GOLM2: variants seen among roughly 807,000 people sequenced by gnomAD.
GOLM2 encodes protein GOLM2.
A neutral mutation model predicts 55.9 loss-of-function variants in GOLM2; 26 were observed. The ratio of observed to expected loss-of-function variants is 0.47; its 90% CI spans 0.34 to 0.65. The LOEUF is 0.65. GOLM2 is among the 30% of genes least tolerant of loss of function. The pLI, the probability that GOLM2 is intolerant of heterozygous loss-of-function variation, is 0.01. For synonymous variants in GOLM2, 165 were observed against 194.6 expected (o/e 0.85, Z 1.27); for missense variants, 486 against 531.8 (o/e 0.91, Z 0.85).
chr15:44,309,952 T>A (rs1468951344), intron 1 of GOLM2, among the ~76,000 whole-genome samples: 1 of 151,998 alleles, frequency 6.6e-6, no homozygotes, highest in Non-Finnish European at 1.5e-5. Context: ...GGCATGATCT[T>A]GGCTCACTGC....
rs1379582993 is a variant in GOLM2 at position 44,415,574 on chromosome 15, A to C, written c.*2168A>C. 1 of 152,600 alleles carries C rather than the reference A, an allele frequency of 6.6e-6. No homozygotes were observed. Among genetic ancestry groups the C allele is most frequent in the Non-Finnish European group, 1.5e-5 (1 of 68,026 alleles). The allele number at this position is 152,600 out of a possible 1,614,324, so 9.5% of individuals were successfully genotyped here. A position where few individuals can be genotyped will look rare whatever the true frequency, so the allele number is the denominator to read the frequency against. On this transcript the variant is annotated 3_prime_UTR_variant, in exon 10 of 10. Transcript: ENST00000299957. ...TTTAGTGCTATAAAATACTATGTGA[A>C]TCTCTTAAAAATCTGACATTTTACA...
chr15:44,338,165 T>TA (rs1317950425), intron 5 of GOLM2, 72 bp from the exon 6 acceptor site: 1 of 1,428,026 alleles, frequency 7.0e-7, no homozygotes, highest in Non-Finnish European at 9.8e-7. Context: ...AACTGATTGT[T>TA]ACATTCCTTC....
chr15:44,367,159 A>G (rs964831165), intron 6 of GOLM2, among the ~76,000 whole-genome samples: 1 of 151,616 alleles, frequency 6.6e-6, no homozygotes, highest in Non-Finnish European at 1.5e-5. Flanking sequence ...CTTTTCTGCT[A>G]GAACAGCAGA....
chr15:44,332,943 T>TG (rs2079032028), intron 4 of GOLM2, among the ~76,000 whole-genome samples: 2 of 152,142 alleles, frequency 1.3e-5, no homozygotes, highest in African/African-American at 4.8e-5. Flanking sequence ...TTCATTTTTT[T>TG]TTGTGTGTGT....
At chr15:44,304,230 C>CTTCT (rs1301281420) in intron 1 of GOLM2, among the ~76,000 whole-genome samples, 2 of 82,874 alleles carry the variant, frequency 2.4e-5, no homozygotes, top group African/African-American at 1.0e-4. Flanking sequence ...GGCTCCACTT[C>CTTCT]TTTTTTTTTT....
Position 44,338,297 on chromosome 15 carries a change from A to T in GOLM2, c.782A>T (p.Lys261Ile). 1 of 1,613,574 alleles carries T rather than the reference A, an allele frequency of 6.2e-7. No individual in the cohort carries two copies. The highest frequency in any genetic ancestry group is 8.5e-7 in the Non-Finnish European group (1 of 1,179,590). ...MPGIEENDLAKVDDLPPALRK... is the reference protein window; with the variant it reads ...MPGIEENDLAIVDDLPPALRK... ...GGAATAGAAGAGAATGACCTAGCAA[A>T]AGTTGATGATCTTCCCCCTGGTAAG... The change falls in exon 6 of 10, where the codon AAA becomes ATA. Residue 261 changes from lysine (K) to isoleucine (I), a missense_variant. Physicochemically the swap from Lys to Ile is moderately radical, Grantham distance 102 (BLOSUM62 -3). Transcript: ENST00000299957.
intron 1 of GOLM2, among the ~76,000 whole-genome samples, chr15:44,294,855 C>G (rs1314555250): frequency 6.6e-6 from 1 of 150,962 alleles, no homozygotes; most frequent in Non-Finnish European, 1.5e-5. Context: ...GATTGTGCCA[C>G]TGCACTCCAG....
chr15:44,327,522 T>C (rs2078992642), intron 2 of GOLM2, among the ~76,000 whole-genome samples: 3 of 152,152 alleles, frequency 2.0e-5, no homozygotes, highest in African/African-American at 7.2e-5. Context: ...ATAGATGTTA[T>C]AGTATTGGTA....
chr15:44,402,773 C>T, intron 8 of GOLM2, 114 bp from the exon 9 acceptor site: 2 of 881,462 alleles, frequency 2.3e-6, no homozygotes, highest in Non-Finnish European at 3.5e-6. Flanking sequence ...CTTTTATATC[C>T]AGTACCCCAA....
chr15:44,375,222 T>C (rs1000980755), intron 6 of GOLM2, among the ~76,000 whole-genome samples: 14 of 152,106 alleles, frequency 9.2e-5, no homozygotes, highest in African/African-American at 2.4e-4. Context: ...GGTTTCGCCA[T>C]GTTGGCCAGG....
chr15:44,392,375 C>T (rs1277622357), intron 8 of GOLM2, among the ~76,000 whole-genome samples: 2 of 152,010 alleles, frequency 1.3e-5, no homozygotes, highest in Non-Finnish European at 2.9e-5. Flanking sequence ...TAAATCCCAG[C>T]ACTTTGGGAG....
intron 6 of GOLM2, among the ~76,000 whole-genome samples, chr15:44,339,421 C>T (rs1342899083): frequency 6.6e-6 from 1 of 151,718 alleles, no homozygotes; most frequent in Non-Finnish European, 1.5e-5. Flanking sequence ...TCACTGCAAC[C>T]TCAGCTTCCC....
intron 6 of GOLM2, among the ~76,000 whole-genome samples, chr15:44,358,127 G>T (rs1393573524): frequency 6.6e-6 from 1 of 152,218 alleles, no homozygotes; most frequent in Non-Finnish European, 1.5e-5. Flanking sequence ...GCCAAGGCAG[G>T]CAGATCACCT....
At chr15:44,315,776 A>C (rs1328350298) in intron 1 of GOLM2, among the ~76,000 whole-genome samples, 2 of 152,248 alleles carry the variant, frequency 1.3e-5, no homozygotes, top group Non-Finnish European at 2.9e-5. Context: ...TGGACTCAAA[A>C]TCCCAAAGAA....
chr15:44,339,916 C>T (rs2079080155), intron 6 of GOLM2, among the ~76,000 whole-genome samples: 1 of 152,038 alleles, frequency 6.6e-6, no homozygotes, highest in African/African-American at 2.4e-5. Flanking sequence ...ATCTCCCGGG[C>T]ATAAGCGATC....
intron 8 of GOLM2, among the ~76,000 whole-genome samples, chr15:44,398,308 T>C (rs1025943786): frequency 6.6e-6 from 1 of 152,230 alleles, no homozygotes; most frequent in African/African-American, 2.4e-5. Context: ...TATTTTTGCT[T>C]TCTGTTTTTA....
chr15:44,413,196 A>G, intron 9 of GOLM2, 140 bp from the exon 10 acceptor site: 2 of 557,188 alleles, frequency 3.6e-6, no homozygotes, highest in Non-Finnish European at 3.2e-6. Flanking sequence ...CCAAGCAACT[A>G]AGAAATAGAA....
At position 44,362,133 on chromosome 15, in the gene GOLM2, C is replaced by T. The variant is rs560382296; in HGVS notation, c.803-17557C>T. ...GAAGCATTCCCTTTGAAAACTGGCA[C>T]AAGACAGGGATGCCCTCTCTCACCA... On this transcript the variant is annotated intron_variant, in intron 6 of 9. Coordinates refer to ENST00000299957, the MANE Select transcript of GOLM2 (RefSeq NM_138423.4). Among the ~76,000 whole-genome samples, 12 of 148,498 alleles carry T rather than the reference C, an allele frequency of 8.1e-5. No individual in the cohort carries two copies. In the South Asian group the frequency reaches 1.1e-3, roughly 13 times the overall value.
intron 1 of GOLM2, among the ~76,000 whole-genome samples, chr15:44,316,583 G>T (rs918305979): frequency 1.3e-5 from 2 of 151,750 alleles, no homozygotes; most frequent in Non-Finnish European, 2.9e-5. Context: ...GTGAAACCCC[G>T]TCTCTACTAA....
Sources: allele counts gnomAD v4.1 joint callset (sites outside exome capture counted in the v4.1 genomes callset), GRCh38; gene constraint gnomAD v4.1.1; transcripts MANE v1.5; gene names NCBI Gene and HGNC (gene_info 2026-07-23, HGNC 2026-07-21).